Variants in ROBO1 observed in about 807,000 individuals in gnomAD.
ROBO1 encodes the protein roundabout guidance receptor 1.
In ROBO1, 149 loss-of-function variants were observed where a neutral mutation model predicts 195.9. The ratio of observed to expected loss-of-function variants is 0.76; its 90% confidence interval spans 0.67 to 0.87. The LOEUF is 0.87. ROBO1 is among the 40% of genes least tolerant of loss of function. The pLI, the probability that ROBO1 is intolerant of heterozygous loss-of-function variation, is 0.00. For synonymous variants in ROBO1, 816 were observed against 733.2 expected, an observed-to-expected ratio of 1.11 and a Z score of -1.82; for missense variants, 1,933 against 2,068.3, an observed-to-expected ratio of 0.93 and a Z score of 1.27.
intron 3 of ROBO1, among the ~76,000 whole-genome samples, chr3:79,043,150 T>C (rs2108339299): frequency 6.6e-6 from 1 of 152,254 alleles, no homozygotes; most frequent in Middle Eastern, 3.4e-3. Flanking sequence ...TAAGAAACAG[T>C]AGATGCAATT....
chr3:79,704,344 T>C (rs1947706350), intron 1 of ROBO1, among the ~76,000 whole-genome samples: 1 of 152,006 alleles, frequency 6.6e-6, no homozygotes, highest in Non-Finnish European at 1.5e-5. Context: ...CCTATTCATG[T>C]CTCCCATCCC....
At chr3:79,044,156 C>A (rs2078544755) in intron 3 of ROBO1, among the ~76,000 whole-genome samples, 2 of 149,266 alleles carry the variant, frequency 1.3e-5, no homozygotes, top group Non-Finnish European at 3.0e-5. Context: ...AAAAAAAAAT[C>A]TCATCATCTT....
At chr3:79,010,126 G>C (rs578203385) in intron 3 of ROBO1, among the ~76,000 whole-genome samples, 1 of 152,140 alleles carries the variant, frequency 6.6e-6, no homozygotes, top group South Asian at 2.1e-4. Flanking sequence ...CATCTAAAAA[G>C]GAACTAAAAC....
chr3:79,316,263 T>A (rs1054650518), intron 2 of ROBO1, among the ~76,000 whole-genome samples: 10 of 152,058 alleles, frequency 6.6e-5, no homozygotes, highest in African/African-American at 2.4e-5. Context: ...TGGAAATACA[T>A]AACTTAGAAA....
intron 2 of ROBO1, among the ~76,000 whole-genome samples, chr3:79,157,980 G>C (rs2080888740): frequency 6.6e-6 from 1 of 151,784 alleles, no homozygotes; most frequent in African/African-American, 2.4e-5. Context: ...AGTGATCCTT[G>C]TTTTCAGTTA....
At chr3:79,278,334 A>T (rs1419349999) in intron 2 of ROBO1, among the ~76,000 whole-genome samples, 2 of 152,050 alleles carry the variant, frequency 1.3e-5, no homozygotes, top group Admixed American at 6.6e-5. Flanking sequence ...TTATGAAACC[A>T]CAGAAGACCC....
intron 2 of ROBO1, among the ~76,000 whole-genome samples, chr3:79,575,344 AAT>A (rs1226948977): frequency 1.6e-5 from 2 of 126,260 alleles, no homozygotes; most frequent in African/African-American, 6.2e-5. Context: ...ATATATAACC[AAT>A]ATATATAAAT....
chr3:79,522,645 C>A (rs1941257355), intron 2 of ROBO1, among the ~76,000 whole-genome samples: 1 of 152,112 alleles, frequency 6.6e-6, no homozygotes, highest in Non-Finnish European at 1.5e-5. Context: ...TAATAAACCC[C>A]TTTTGGAAGG....
intron 2 of ROBO1, among the ~76,000 whole-genome samples, chr3:79,377,282 C>CG (rs2036419093): frequency 6.6e-6 from 1 of 152,144 alleles, no homozygotes; most frequent in Non-Finnish European, 1.5e-5. Flanking sequence ...GTTCATTATT[C>CG]TGACACCTAA....
chr3:79,078,761 A>C (rs535433098), intron 3 of ROBO1, among the ~76,000 whole-genome samples: 87 of 151,952 alleles, frequency 5.7e-4, no homozygotes, highest in African/African-American at 2.1e-3. Flanking sequence ...CTAAGAGCAA[A>C]CCTGAGACAG....
At chr3:79,175,620 C>T (rs2081250966) in intron 2 of ROBO1, among the ~76,000 whole-genome samples, 1 of 152,182 alleles carries the variant, frequency 6.6e-6, no homozygotes, top group East Asian at 1.9e-4. Flanking sequence ...TACTGTAATA[C>T]TCAGAAAAAA....
intron 1 of ROBO1, among the ~76,000 whole-genome samples, chr3:79,633,220 A>G (rs115488503): frequency 3.4e-5 from 5 of 148,354 alleles, no homozygotes; most frequent in Non-Finnish European, 5.9e-5. Flanking sequence ...TCTGTCATCT[A>G]GGCTGGAGTG....
At position 79,268,439 on chromosome 3, in the gene ROBO1, C is replaced by A. The variant is rs146660389; in HGVS notation, c.89-142900G>T. 8.2e-3 allele frequency among the ~76,000 whole-genome samples: 1,251 copies of A among 151,642 alleles called. 7 individuals carry two copies. Among genetic ancestry groups the A allele is most frequent in the Non-Finnish European group, 0.012 (786 of 67,666 alleles). ...AATCTGCCCCTTTCTGTATCTTTCA[C>A]CTTCCTGTCCCACATGATGAAGACG... On this transcript the variant is annotated intron_variant, in intron 2 of 30. Coordinates refer to ENST00000464233, the MANE Select transcript of ROBO1 (RefSeq NM_002941.4).
At chr3:79,065,015 G>T (rs2078981620) in intron 3 of ROBO1, among the ~76,000 whole-genome samples, 1 of 151,946 alleles carries the variant, frequency 6.6e-6, no homozygotes, top group Non-Finnish European at 1.5e-5. Flanking sequence ...GAAACGAAAA[G>T]CTTTCTGTGA....
chr3:79,702,843 T>G (rs1220123863), intron 1 of ROBO1, among the ~76,000 whole-genome samples: 2 of 151,996 alleles, frequency 1.3e-5, no homozygotes, highest in Non-Finnish European at 2.9e-5. Flanking sequence ...AATTCAAATG[T>G]AATTTGGAAT....
At chr3:78,729,405 A>G (rs555003114) in intron 5 of ROBO1, among the ~76,000 whole-genome samples, 15 of 151,942 alleles carry the variant, frequency 9.9e-5, no homozygotes, top group African/African-American at 3.6e-4. Context: ...GTAATAATAG[A>G]AAGAAGTAAC....
At chr3:78,852,212 T>C (rs2034111809) in intron 4 of ROBO1, among the ~76,000 whole-genome samples, 1 of 152,146 alleles carries the variant, frequency 6.6e-6, no homozygotes, top group South Asian at 2.1e-4. Flanking sequence ...ATATTTATAA[T>C]TAAGCAAAGC....
chr3:78,654,754 C>T (rs1706888691), intron 18 of ROBO1, among the ~76,000 whole-genome samples: 1 of 152,136 alleles, frequency 6.6e-6, no homozygotes, highest in Non-Finnish European at 1.5e-5. Flanking sequence ...CAATTTGGCC[C>T]TAAAGCCCCC....
intron 4 of ROBO1, among the ~76,000 whole-genome samples, chr3:78,768,087 C>A (rs972384173): frequency 3.3e-5 from 5 of 152,044 alleles, no homozygotes; most frequent in South Asian, 2.1e-4. Flanking sequence ...CTTAGCACTG[C>A]CTTTGCTGTA....
Sources: allele counts gnomAD v4.1 joint callset (sites outside exome capture counted in the v4.1 genomes callset), GRCh38; gene constraint gnomAD v4.1.1; transcripts MANE v1.5; gene names NCBI Gene and HGNC (gene_info 2026-07-23, HGNC 2026-07-21).